Variants in PSG9 observed in about 807,000 individuals in gnomAD.
PSG9 encodes the protein pregnancy specific beta-1-glycoprotein 9, also known as pregnancy-specific beta-1-glycoprotein 9.
Under a neutral mutation model 41.9 loss-of-function variants are expected in PSG9, and 49 were observed. That is an observed-to-expected ratio of 1.17 (90% confidence interval 0.93 to 1.48). The LOEUF (loss-of-function observed/expected upper bound fraction) is 1.48. Ranked by LOEUF, PSG9 falls within the 40% of genes most tolerant of loss-of-function variation. The pLI, the probability that PSG9 is intolerant of heterozygous loss-of-function variation, is 0.00. For synonymous variants in PSG9, 263 were observed against 196.8 expected, an observed-to-expected ratio of 1.34 and a Z score of -2.82; for missense variants, 641 against 520.3, an observed-to-expected ratio of 1.23 and a Z score of -2.26.
At chr19:43,257,769 T>C in intron 5 of PSG9, 1 of 1,264,520 alleles carries the variant, frequency 7.9e-7, no homozygotes, top group Non-Finnish European at 9.9e-7. Flanking sequence ...CCAAGGGGCT[T>C]CCTCCTCTCA....
intron 2 of PSG9, among the ~76,000 whole-genome samples, chr19:43,263,865 C>T (rs1968843141): frequency 1.3e-5 from 2 of 151,906 alleles, no homozygotes; most frequent in African/African-American, 4.8e-5. Context: ...AGGAAGGATG[C>T]CAAATTAAAA....
chr19:43,262,832 G>A (rs1363768175), intron 2 of PSG9, among the ~76,000 whole-genome samples: 1 of 152,192 alleles, frequency 6.6e-6, no homozygotes, highest in Admixed American at 6.5e-5. Context: ...AAGGGGCCAG[G>A]CAGTAGCTGA....
chr19:43,268,157 G>C lies in PSG9; in HGVS notation c.65-8C>G, dbSNP rs187187238. 1,042 of 1,590,462 alleles carry C rather than the reference G, an allele frequency of 6.6e-4. 8 individuals carry two copies. The African/African-American group carries it at 0.013, about 19-fold the overall frequency. ...AGAAGTTTAAAAGTGATGCTAGGAG[G>C]GGGAGACAGCATCAGTTAATATTGA... is the stretch of plus-strand genomic sequence containing the variant. On this transcript the variant is annotated splice_polypyrimidine_tract_variant and splice_region_variant and intron_variant, in intron 1 of 5. Coordinates refer to ENST00000270077, the MANE Select transcript of PSG9 (RefSeq NM_002784.5).
intron 2 of PSG9, 29 bp downstream of exon 2, chr19:43,267,755 A>G (rs769995082): frequency 7.4e-6 from 12 of 1,612,302 alleles, no homozygotes; most frequent in Admixed American, 3.3e-5. Context: ...CTTCCCCCCA[A>G]CACCCAGGGA....
chr19:43,266,066 A>G (rs1968952839), intron 2 of PSG9, among the ~76,000 whole-genome samples: 2 of 151,692 alleles, frequency 1.3e-5, no homozygotes, highest in Admixed American at 6.6e-5. Context: ...TGCCAGTCAG[A>G]ATGAAGTGGG....
At chr19:43,262,919 CA>C (rs1968794903) in intron 2 of PSG9, among the ~76,000 whole-genome samples, 1 of 152,166 alleles carries the variant, frequency 6.6e-6, no homozygotes, top group South Asian at 2.1e-4. Flanking sequence ...AGGTGAGGAC[CA>C]TGTGGATCTT....
intron 5 of PSG9, chr19:43,257,992 G>A: frequency 1.3e-6 from 2 of 1,487,148 alleles, no homozygotes; most frequent in South Asian, 2.7e-5. Context: ...ACCTTTTTCA[G>A]GCCAGACACA....
In PSG9 at chr19:43,265,791, T is replaced by G. The variant is rs189684668; in HGVS notation, c.430+1993A>C. ...AGGAACTGCCTATCCCTGTCCCATG[T>G]TCTTGTCCACAGGTCAGACTGACAA... is the stretch of plus-strand genomic sequence containing the variant. On this transcript the variant is annotated intron_variant, in intron 2 of 5. Transcript: ENST00000270077. Among the ~76,000 whole-genome samples, 905 of 152,246 alleles carry G rather than the reference T, an allele frequency of 5.9e-3. 13 individuals carry two copies. Among genetic ancestry groups the G allele is most frequent in the African/African-American group, 0.021 (867 of 41,550 alleles).
chr19:43,255,903 C>G (rs10410632), intron 5 of PSG9, among the ~76,000 whole-genome samples: 54,430 of 145,562 alleles, frequency 0.37, 14,092 homozygotes, highest in East Asian at 0.88. Context: ...TTGGAAGACT[C>G]AATATTGTTA....
In PSG9 at chr19:43,268,164, C is replaced by A. The variant is rs764517276; in HGVS notation, c.65-15G>T. On this transcript the variant is annotated splice_polypyrimidine_tract_variant and intron_variant, in intron 1 of 5. Transcript: ENST00000270077. Reference sequence around the variant, plus strand: ...TAAAAGTGATGCTAGGAGGGGGAGACAGCATCAGTTAATATTGAGACCTAT... The same window carrying A: ...TAAAAGTGATGCTAGGAGGGGGAGAAAGCATCAGTTAATATTGAGACCTAT... 7 of 1,584,074 alleles carry A rather than the reference C, an allele frequency of 4.4e-6. No homozygotes were observed.
intron 2 of PSG9, among the ~76,000 whole-genome samples, chr19:43,264,431 G>A (rs1968869257): frequency 6.6e-6 from 1 of 151,952 alleles, no homozygotes; most frequent in African/African-American, 2.4e-5. Flanking sequence ...CTACCAGTAA[G>A]CATCAAAAGC....
At chr19:43,268,206 A>G (rs1427805992) in intron 1 of PSG9, 57 bp from the exon 2 acceptor site, 20 of 1,522,920 alleles carry the variant, frequency 1.3e-5, no homozygotes, top group Non-Finnish European at 1.8e-5. Flanking sequence ...TGGTGAAAAG[A>G]TGGGGCCCTG....
At position 43,256,079 on chromosome 19, in the gene PSG9, A is replaced by G. The variant is rs937203645; in HGVS notation, c.1243+2123T>C. 1.4e-5 allele frequency among the ~76,000 whole-genome samples: 2 copies of G among 146,754 alleles called. 1 individual carries two copies. Among genetic ancestry groups the G allele is most frequent in the African/African-American group, 5.2e-5 (2 of 38,708 alleles). On this transcript the variant is annotated intron_variant, in intron 5 of 5. Transcript: ENST00000270077. The stretch of plus-strand genomic sequence containing the variant: ...GAGGAAGAATGAAGCTGGAGGACTC[A>G]CACTTCCTGATTTCAGCATTTACAA...
At chr19:43,261,605 C>A (rs1968715876) in intron 3 of PSG9, among the ~76,000 whole-genome samples, 1 of 152,170 alleles carries the variant, frequency 6.6e-6, no homozygotes, top group Non-Finnish European at 1.5e-5. Context: ...TGATCTGGAG[C>A]CTGAGACATT....
chr19:43,257,814 C>T lies in PSG9; in HGVS notation c.1243+388G>A. The T allele has an allele frequency of 4.5e-6, 6 of 1,330,802 alleles. 1 individual carries two copies. The highest frequency in any genetic ancestry group is 2.8e-4 in the Middle Eastern group (1 of 3,542). The allele number at this position is 1,330,802 out of a possible 1,614,324, so 82.4% of individuals were successfully genotyped here. ...AAAGTGTGAGCTTGTTTCAAAGCCT[C>T]AGCTGTCCCTTGTAGCTCATGGAAT... On this transcript the variant is annotated intron_variant, in intron 5 of 5. Coordinates refer to ENST00000270077, the MANE Select transcript of PSG9 (RefSeq NM_002784.5).
Position 43,258,264 on chromosome 19 carries a change from C to G in PSG9, c.1181G>C (p.Cys394Ser). 1.9e-6 allele frequency: 3 copies of G among 1,592,868 alleles called. 1 individual carries two copies. The South Asian group carries it at 3.3e-5, about 18-fold the overall frequency. Reference protein sequence around the residue: ...ITRNHSGLYACSVHNSATGKE... With the variant: ...ITRNHSGLYASSVHNSATGKE... ...GCCAGTGGCTGAGTTATGAACAGAG[C>G]AAGCATAGAGCCCGCTATGATTTCT... The change falls in exon 5 of 6, where the codon TGC becomes TCC. Residue 394 changes from cysteine (C) to serine (S), a missense_variant. Transcript: ENST00000270077.
chr19:43,268,936 T>C (rs181042963), intron 1 of PSG9, among the ~76,000 whole-genome samples: 2 of 152,282 alleles, frequency 1.3e-5, no homozygotes, highest in East Asian at 3.9e-4. Context: ...AATGTGACTT[T>C]CCTCTTTTGA....
In PSG9 at chr19:43,262,030, C is replaced by T. The variant is rs149244305; in HGVS notation, c.539G>A (p.Trp180Ter). The T allele has an allele frequency of 1.9e-6, 3 of 1,614,008 alleles. 1 individual carries two copies. Among genetic ancestry groups the T allele is most frequent in the Non-Finnish European group, 2.5e-6 (3 of 1,179,922 alleles). The stretch of plus-strand genomic sequence containing the variant: ...AGGGAGGCTCTGACCATTCATCCAC[C>T]ATAGGTAGCTTGCGTCCAGAGTCTC... ...DPETLDASYLWWMNGQSLPVT... is the reference protein window; with the variant it reads ...DPETLDASYL Residue 180 changes from tryptophan (W) to a stop codon, truncating the protein, a stop_gained, in exon 3 of 6, where the codon TGG becomes TAG. Coordinates refer to ENST00000270077, the MANE Select transcript of PSG9 (RefSeq NM_002784.5). LOFTEE classifies it high-confidence loss of function.
chr19:43,266,445 C>G (rs1968970902), intron 2 of PSG9, among the ~76,000 whole-genome samples: 1 of 152,044 alleles, frequency 6.6e-6, no homozygotes, highest in Non-Finnish European at 1.5e-5. Context: ...GTGTGTCTCT[C>G]GCTGGGCCTG....
Sources: gnomAD v4.1 joint callset for allele counts (sites outside exome capture counted in the v4.1 genomes callset) on GRCh38, gnomAD v4.1.1 for gene constraint, MANE v1.5 for transcripts, NCBI Gene and HGNC (gene_info 2026-07-23, HGNC 2026-07-21) for gene names.